SPIDR: variants seen among roughly 807,000 people sequenced by gnomAD.
SPIDR encodes the protein scaffold protein involved in DNA repair.
In SPIDR, 93 loss-of-function variants were observed where a neutral mutation model predicts 104.6. That is an observed-to-expected ratio of 0.89 (90% CI 0.75 to 1.06). SPIDR has a LOEUF of 1.06. SPIDR is among the 50% of genes least tolerant of loss of function. The probability of loss-of-function intolerance (pLI) is 0.00; values close to 1 mark genes in which losing one functional copy is unlikely to be tolerated. For synonymous variants in SPIDR, 431 were observed against 416.9 expected, an observed-to-expected ratio of 1.03 and a Z score of -0.41; for missense variants, 1,154 against 1,111.2, an observed-to-expected ratio of 1.04 and a Z score of -0.55.
intron 5 of SPIDR, among the ~76,000 whole-genome samples, chr8:47,395,097 C>T (rs1451724675): frequency 1.3e-5 from 2 of 151,902 alleles, no homozygotes; most frequent in African/African-American, 2.4e-5. Flanking sequence ...GCCTGTTATC[C>T]CAGCACTTTG....
chr8:47,726,472 C>T (rs2084252839), intron 16 of SPIDR, among the ~76,000 whole-genome samples: 1 of 152,224 alleles, frequency 6.6e-6, no homozygotes, highest in Non-Finnish European at 1.5e-5. Context: ...GGTGGTGTAT[C>T]TAGATGATAT....
intron 10 of SPIDR, among the ~76,000 whole-genome samples, chr8:47,610,611 CTTG>C (rs944982271): frequency 5.9e-5 from 9 of 152,232 alleles, no homozygotes; most frequent in African/African-American, 1.4e-4. Context: ...TAGGCTCACC[CTTG>C]TTGTGCTGAT....
chr8:47,635,495 T>C lies in SPIDR; in HGVS notation c.1544+36299T>C, dbSNP rs143358581. Among the ~76,000 whole-genome samples the C allele has an allele frequency of 3.8e-3, 573 of 152,264 alleles. 3 individuals are homozygous for C. Among genetic ancestry groups the C allele is most frequent in the South Asian group, 0.022 (107 of 4,826 alleles). ...TTGTACCCCCATAAATATATACACGTACTATGTACCCTCAAAATTTAAAAA... is the reference window on the plus strand; with the variant it reads ...TTGTACCCCCATAAATATATACACGCACTATGTACCCTCAAAATTTAAAAA... On this transcript the variant is annotated intron_variant, in intron 10 of 19. Coordinates refer to ENST00000297423, the MANE Select transcript of SPIDR (RefSeq NM_001080394.4).
chr8:47,328,189 G>C (rs73582863), intron 5 of SPIDR, among the ~76,000 whole-genome samples: 3,433 of 151,654 alleles, frequency 0.023, 133 homozygotes, highest in African/African-American at 0.08. Context: ...TTAGGTTTTT[G>C]CTCTTCTATT....
intron 1 of SPIDR, among the ~76,000 whole-genome samples, chr8:47,263,802 C>A (rs2033196756): frequency 1.3e-5 from 2 of 152,200 alleles, no homozygotes; most frequent in African/African-American, 4.8e-5. Context: ...CCAAATTATC[C>A]CAGCTGTAAA....
At chr8:47,711,160 T>C (rs974210158) in intron 14 of SPIDR, among the ~76,000 whole-genome samples, 4 of 152,192 alleles carry the variant, frequency 2.6e-5, no homozygotes, top group African/African-American at 9.6e-5. Context: ...TTTACCATAT[T>C]TAAGCTGGTT....
intron 5 of SPIDR, among the ~76,000 whole-genome samples, chr8:47,363,406 C>T (rs1163041356): frequency 1.3e-5 from 2 of 150,276 alleles, no homozygotes; most frequent in Non-Finnish European, 3.0e-5. Context: ...TGGGGTTTCA[C>T]TGTGTTAGCC....
chr8:47,686,445 A>G (rs1367058966), intron 11 of SPIDR, among the ~76,000 whole-genome samples: 1 of 152,222 alleles, frequency 6.6e-6, no homozygotes, highest in Non-Finnish European at 1.5e-5. Context: ...TGCCAAGAAA[A>G]TCTCTGTTAA....
intron 8 of SPIDR, among the ~76,000 whole-genome samples, chr8:47,518,843 G>C (rs2083565751): frequency 6.6e-6 from 1 of 152,088 alleles, no homozygotes. Flanking sequence ...CACTGTGTTA[G>C]CCAGGATGGT....
chr8:47,262,983 A>G (rs1334010190), intron 1 of SPIDR, among the ~76,000 whole-genome samples: 1 of 152,176 alleles, frequency 6.6e-6, no homozygotes, highest in Non-Finnish European at 1.5e-5. Flanking sequence ...TGGCTACATC[A>G]TAATTTACTG....
intron 7 of SPIDR, among the ~76,000 whole-genome samples, chr8:47,427,257 T>A (rs1554685669): frequency 6.7e-6 from 1 of 149,694 alleles, no homozygotes; most frequent in Non-Finnish European, 1.5e-5. Context: ...TAAAATAAAT[T>A]GTCAGAAGCA....
At chr8:47,485,265 C>G (rs2077411653) in intron 8 of SPIDR, among the ~76,000 whole-genome samples, 1 of 152,200 alleles carries the variant, frequency 6.6e-6, no homozygotes, top group Non-Finnish European at 1.5e-5. Flanking sequence ...ACAGCTAGTA[C>G]AGTCTGAGAT....
intron 5 of SPIDR, among the ~76,000 whole-genome samples, chr8:47,395,535 A>G (rs2061153672): frequency 6.6e-6 from 1 of 152,226 alleles, no homozygotes; most frequent in South Asian, 2.1e-4. Flanking sequence ...ACAGAATAAC[A>G]TGGGATTGAC....
chr8:47,699,704 G>A (rs1437597685), intron 11 of SPIDR, among the ~76,000 whole-genome samples: 2 of 152,082 alleles, frequency 1.3e-5, no homozygotes, highest in Non-Finnish European at 1.5e-5. Flanking sequence ...ACAGGCATCC[G>A]CCATCATGCC....
intron 10 of SPIDR, among the ~76,000 whole-genome samples, chr8:47,650,606 T>C (rs1333912678): frequency 6.6e-6 from 1 of 152,038 alleles, no homozygotes; most frequent in African/African-American, 2.4e-5. Flanking sequence ...GAAAAAACAG[T>C]CCTAAAATTC....
intron 7 of SPIDR, among the ~76,000 whole-genome samples, chr8:47,431,216 A>G (rs1302911087): frequency 6.6e-6 from 1 of 152,318 alleles, no homozygotes; most frequent in Admixed American, 6.5e-5. Context: ...CAAGTCCTCC[A>G]GTCTCTTACA....
At chr8:47,291,870 A>T (rs957103254) in intron 4 of SPIDR, among the ~76,000 whole-genome samples, 1 of 152,180 alleles carries the variant, frequency 6.6e-6, no homozygotes, top group African/African-American at 2.4e-5. Context: ...ATATTGTGTC[A>T]TGTTTTAGAC....
At chr8:47,310,443 G>A (rs914547534) in intron 5 of SPIDR, among the ~76,000 whole-genome samples, 6 of 151,680 alleles carry the variant, frequency 4.0e-5, no homozygotes, top group African/African-American at 9.7e-5. Context: ...GGCACATGTC[G>A]GACTACCTTT....
chr8:47,436,282 C>T (rs2068304913), intron 7 of SPIDR, among the ~76,000 whole-genome samples: 1 of 152,184 alleles, frequency 6.6e-6, no homozygotes, highest in African/African-American at 2.4e-5. Context: ...GAAAACACTT[C>T]CTGGACAAGG....
Sources: allele counts gnomAD v4.1 joint callset (sites outside exome capture counted in the v4.1 genomes callset), GRCh38; gene constraint gnomAD v4.1.1; transcripts MANE v1.5; gene names NCBI Gene and HGNC (gene_info 2026-07-23, HGNC 2026-07-21).